The following UTRN variants were observed in gnomAD, a reference collection of about 807,000 sequenced individuals.
The protein encoded by UTRN is utrophin, also known as dystrophin-related protein 1.
UTRN carries 283 observed loss-of-function variants against 463.9 expected under a neutral mutation model. The ratio of observed to expected loss-of-function variants is 0.61; its 90% confidence interval spans 0.55 to 0.67. UTRN has a LOEUF of 0.67. UTRN is among the 30% of genes least tolerant of loss of function. UTRN has a pLI of 0.00. For missense variants in UTRN, 3,922 were observed against 4,084.3 expected (o/e 0.96, Z 1.08); for synonymous variants, 1,442 against 1,431.5 (o/e 1.01, Z -0.17).
Position 144,490,761 on chromosome 6 carries a change from T to A in UTRN, c.4264-168T>A, listed in dbSNP as rs148115186. The stretch of plus-strand genomic sequence containing the variant: ...TGGGCTATGCAGTTCACTTAGGTGA[T>A]CGGGTACCCTCACTGAGATTCATTA... On this transcript the variant is annotated intron_variant, in intron 31 of 74. Coordinates refer to ENST00000367545, the MANE Select transcript of UTRN (RefSeq NM_007124.3). Among the ~76,000 whole-genome samples the A allele has an allele frequency of 3.3e-4, 51 of 152,342 alleles. No individual in the cohort carries two copies. In the East Asian group the frequency reaches 9.2e-3, roughly 28 times the overall value.
chr6:144,391,551 A>G (rs1781925463), intron 2 of UTRN, among the ~76,000 whole-genome samples: 1 of 152,200 alleles, frequency 6.6e-6, no homozygotes, highest in Non-Finnish European at 1.5e-5. Context: ...TGCCATTAAC[A>G]TTGGCATTCA....
intron 60 of UTRN, among the ~76,000 whole-genome samples, chr6:144,778,259 G>C: frequency 6.6e-6 from 1 of 152,212 alleles, no homozygotes; most frequent in East Asian, 1.9e-4. Flanking sequence ...CTGATGACTC[G>C]GGGTATTGGG....
chr6:144,571,598 C>G (rs935568953), intron 50 of UTRN, among the ~76,000 whole-genome samples: 1 of 152,134 alleles, frequency 6.6e-6, no homozygotes, highest in Non-Finnish European at 1.5e-5. Context: ...TGCTACTGTT[C>G]TTTTCCCTGC....
At chr6:144,564,466 T>A (rs1468598155) in intron 50 of UTRN, among the ~76,000 whole-genome samples, 1 of 152,180 alleles carries the variant, frequency 6.6e-6, no homozygotes, top group African/African-American at 2.4e-5. Flanking sequence ...CAGATCATGC[T>A]GAGCTTTGTA....
chr6:144,320,088 G>A (rs949949889), intron 2 of UTRN, among the ~76,000 whole-genome samples: 3 of 152,058 alleles, frequency 2.0e-5, no homozygotes, highest in Non-Finnish European at 1.5e-5. Flanking sequence ...TCCTGACCTC[G>A]TGATCCGCCC....
intron 35 of UTRN, among the ~76,000 whole-genome samples, chr6:144,513,160 A>C (rs756842791): frequency 1.8e-4 from 27 of 152,188 alleles, no homozygotes; most frequent in Non-Finnish European, 3.8e-4. Context: ...GGTGATACTG[A>C]GGTAAGGATA....
chr6:144,650,878 C>T (rs535777752), intron 51 of UTRN, among the ~76,000 whole-genome samples: 118 of 152,014 alleles, frequency 7.8e-4, no homozygotes, highest in Non-Finnish European at 1.4e-3. Flanking sequence ...TACTGCACTC[C>T]AGCCTGAGCG....
chr6:144,632,409 A>G (rs1258380182), intron 51 of UTRN, among the ~76,000 whole-genome samples: 1 of 152,200 alleles, frequency 6.6e-6, no homozygotes, highest in Non-Finnish European at 1.5e-5. Flanking sequence ...CTGGGAAGTA[A>G]GTAATAGAAA....
intron 2 of UTRN, among the ~76,000 whole-genome samples, chr6:144,361,188 C>T (rs986398202): frequency 1.3e-5 from 2 of 152,142 alleles, no homozygotes; most frequent in African/African-American, 4.8e-5. Flanking sequence ...ACTTAATGTC[C>T]CTGACTAATG....
intron 51 of UTRN, among the ~76,000 whole-genome samples, chr6:144,605,299 G>A (rs978674881): frequency 6.6e-6 from 1 of 151,992 alleles, no homozygotes; most frequent in Non-Finnish European, 1.5e-5. Flanking sequence ...TAGCACATCT[G>A]CCAAAGGTTT....
chr6:144,817,237 C>G (rs1215322318), intron 65 of UTRN, among the ~76,000 whole-genome samples: 1 of 152,128 alleles, frequency 6.6e-6, no homozygotes, highest in Non-Finnish European at 1.5e-5. Context: ...GTACAAGGTC[C>G]TATGCTAACC....
rs1367748170 is a variant in UTRN, at chr6:144,444,247, T to C, written c.1513-34T>C. ...GATTGTGATAACTCTCTCTTAAGGCTGTGTTGACAAAGGATGGTTTCTCCT... is the reference window on the plus strand; with the variant it reads ...GATTGTGATAACTCTCTCTTAAGGCCGTGTTGACAAAGGATGGTTTCTCCT... On this transcript the variant is annotated intron_variant, in intron 13 of 74. Coordinates refer to ENST00000367545, the MANE Select transcript of UTRN (RefSeq NM_007124.3). 4 of 1,537,320 alleles carry C rather than the reference T, an allele frequency of 2.6e-6. No individual in the cohort carries two copies. In the South Asian group the frequency reaches 3.4e-5, roughly 13 times the overall value.
intron 23 of UTRN, among the ~76,000 whole-genome samples, chr6:144,470,229 C>T (rs71564477): frequency 0.011 from 1,730 of 152,308 alleles, 20 homozygotes; most frequent in Non-Finnish European, 0.016. Context: ...ACCTCCCAGA[C>T]GGGGTGGCGG....
intron 51 of UTRN, among the ~76,000 whole-genome samples, chr6:144,612,770 A>G (rs1216094367): frequency 3.9e-5 from 6 of 152,152 alleles, no homozygotes; most frequent in Non-Finnish European, 7.4e-5. Context: ...GTAAATTAGT[A>G]TAGCCATTAT....
chr6:144,827,217 G>A lies in UTRN; in HGVS notation c.9495-131G>A. On this transcript the variant is annotated intron_variant, in intron 66 of 74. Coordinates refer to ENST00000367545, the MANE Select transcript of UTRN (RefSeq NM_007124.3). ...TTCTGTTACTTTTGATTTCCCCATG[G>A]TGGCTCTCAGGGCAACCACATATAT... is the stretch of plus-strand genomic sequence containing the variant. 7 of 1,028,204 alleles carry A rather than the reference G, an allele frequency of 6.8e-6. No homozygotes were observed. In the South Asian group the frequency reaches 1.1e-4, roughly 15 times the overall value. 63.7% of individuals were successfully genotyped at this position (1,028,204 alleles called of 1,614,324 possible). A position where few individuals can be genotyped will look rare whatever the true frequency, so the allele number is the denominator to read the frequency against.
intron 35 of UTRN, among the ~76,000 whole-genome samples, chr6:144,512,592 C>T (rs1464005804): frequency 1.3e-5 from 2 of 150,292 alleles, no homozygotes; most frequent in Admixed American, 1.3e-4. Flanking sequence ...GTCAGTCTGT[C>T]ACCCATGCTG....
intron 51 of UTRN, among the ~76,000 whole-genome samples, chr6:144,614,750 T>C (rs1276660184): frequency 6.6e-6 from 1 of 152,174 alleles, no homozygotes; most frequent in Non-Finnish European, 1.5e-5. Context: ...TGGTGTTAAA[T>C]ATGTGGATGA....
chr6:144,799,686 A>G (rs1777546062), intron 64 of UTRN, among the ~76,000 whole-genome samples: 1 of 152,182 alleles, frequency 6.6e-6, no homozygotes, highest in African/African-American at 2.4e-5. Context: ...AAGAGGTGTT[A>G]TATTTGTTAT....
intron 65 of UTRN, 59 bp from the exon 66 acceptor site, chr6:144,820,823 A>T: frequency 1.3e-6 from 2 of 1,559,558 alleles, no homozygotes; most frequent in Non-Finnish European, 1.7e-6. Flanking sequence ...TGATTTTGTT[A>T]TAGATAGTTA....
Sources: gnomAD v4.1 joint callset for allele counts (sites outside exome capture counted in the v4.1 genomes callset) on GRCh38, gnomAD v4.1.1 for gene constraint, MANE v1.5 for transcripts, NCBI Gene and HGNC (gene_info 2026-07-23, HGNC 2026-07-21) for gene names.